SOHLH2: variants seen among roughly 807,000 people sequenced by gnomAD.
SOHLH2 encodes the protein spermatogenesis and oogenesis specific basic helix-loop-helix 2, also known as spermatogenesis- and oogenesis-specific basic helix-loop-helix-containing protein 2.
A neutral mutation model predicts 50.4 loss-of-function variants in SOHLH2; 22 were observed. That is an observed-to-expected ratio of 0.44 (90% confidence interval 0.31 to 0.62). The LOEUF (loss-of-function observed/expected upper bound fraction) is 0.62, where lower values mean the gene tolerates loss of function less well. Ranked by LOEUF, SOHLH2 falls within the 20% of genes least tolerant of loss-of-function variation. SOHLH2 has a pLI of 0.08. For missense variants in SOHLH2, 412 were observed against 504.4 expected, an observed-to-expected ratio of 0.82 and a Z score of 1.76; for synonymous variants, 185 against 187.3, an observed-to-expected ratio of 0.99 and a Z score of 0.10.
chr13:36,205,770 A>G (rs547864269), intron 1 of SOHLH2, among the ~76,000 whole-genome samples: 2 of 152,066 alleles, frequency 1.3e-5, no homozygotes, highest in Non-Finnish European at 2.9e-5. Context: ...AATAGTTTAT[A>G]AAACACAGAA....
chr13:36,176,903 T>C (rs1375055789), intron 6 of SOHLH2, among the ~76,000 whole-genome samples: 3 of 152,238 alleles, frequency 2.0e-5, no homozygotes, highest in Non-Finnish European at 2.9e-5. Context: ...TACTTTATTT[T>C]CAGGTAAACA....
intron 1 of SOHLH2, among the ~76,000 whole-genome samples, chr13:36,210,879 T>G (rs775592643): frequency 6.6e-6 from 1 of 152,226 alleles, no homozygotes. Context: ...CCTACTAGTG[T>G]GTTTCCTTTT....
chr13:36,214,456 C>T, intron 1 of SOHLH2, 23 bp downstream of exon 1: 4 of 1,611,040 alleles, frequency 2.5e-6, no homozygotes, highest in Non-Finnish European at 3.4e-6. Flanking sequence ...AACGCAGCTG[C>T]CTCCCCTTCC....
chr13:36,214,381 G>A (rs1869310442), intron 1 of SOHLH2, 98 bp downstream of exon 1: 3 of 1,414,378 alleles, frequency 2.1e-6, no homozygotes, highest in Non-Finnish European at 2.9e-6. Context: ...GACAATGAGA[G>A]CTCCCCAGGC....
At position 36,184,460 on chromosome 13, in the gene SOHLH2, C is replaced by CTTTTTT. The variant is rs1229884029; in HGVS notation, c.641+5480_641+5485dup. Reference sequence around the variant, plus strand: ...GATGGAAGTTTCTACCTACAAAGACCTTTTTTTTTTTTTTTTTTTGAGACG... The same window carrying CTTTTTT: ...GATGGAAGTTTCTACCTACAAAGACCTTTTTTTTTTTTTTTTTTTTTTTTTGAGACG... On this transcript the variant is annotated intron_variant, in intron 6 of 10. Transcript: ENST00000379881. Among the ~76,000 whole-genome samples, 159 of 121,122 alleles carry CTTTTTT rather than the reference C, an allele frequency of 1.3e-3. 10 individuals are homozygous for CTTTTTT. The highest frequency in any genetic ancestry group is 5.0e-3 in the Middle Eastern group (1 of 200). 79.5% of individuals were successfully genotyped at this position (121,122 alleles called of 152,430 possible).
Position 36,185,475 on chromosome 13 carries a change from C to A in SOHLH2, c.641+4471G>T, listed in dbSNP as rs1237286390. 2.0e-5 allele frequency among the ~76,000 whole-genome samples: 3 copies of A among 151,650 alleles called. No homozygotes were observed. The East Asian group carries it at 5.8e-4, about 29-fold the overall frequency. ...GAGCAAGACTCTGTCTCAAAACAAA[C>A]AAACACACAAACAAACAAAAAACCC... is the stretch of plus-strand genomic sequence containing the variant. On this transcript the variant is annotated intron_variant, in intron 6 of 10. Coordinates refer to ENST00000379881, the MANE Select transcript of SOHLH2 (RefSeq NM_017826.3).
chr13:36,197,947 T>C (rs1720964135), intron 2 of SOHLH2, among the ~76,000 whole-genome samples: 1 of 152,196 alleles, frequency 6.6e-6, no homozygotes, highest in Admixed American at 6.5e-5. Context: ...ACTGTGTTTA[T>C]TGTCGAATAT....
intron 9 of SOHLH2, among the ~76,000 whole-genome samples, chr13:36,173,298 C>T (rs992478890): frequency 6.9e-6 from 1 of 144,046 alleles, no homozygotes; most frequent in African/African-American, 2.5e-5. Context: ...GAGAAAGTGG[C>T]TGAGAAGATC....
At chr13:36,198,849 T>C (rs1887811674) in intron 2 of SOHLH2, among the ~76,000 whole-genome samples, 2 of 152,184 alleles carry the variant, frequency 1.3e-5, no homozygotes, top group African/African-American at 4.8e-5. Context: ...ACTGAACATA[T>C]ATATGGCCAC....
chr13:36,201,711 C>T (rs891704262), intron 2 of SOHLH2, among the ~76,000 whole-genome samples, 168 bp downstream of exon 2: 6 of 152,214 alleles, frequency 3.9e-5, no homozygotes, highest in Non-Finnish European at 8.8e-5. Flanking sequence ...TTAAAGCAAT[C>T]ATCCCACATC....
chr13:36,185,984 C>G (rs987403445), intron 6 of SOHLH2, among the ~76,000 whole-genome samples: 8 of 152,160 alleles, frequency 5.3e-5, no homozygotes, highest in African/African-American at 9.7e-5. Context: ...TTTTCCATTT[C>G]ATTTTATATG....
intron 1 of SOHLH2, among the ~76,000 whole-genome samples, chr13:36,208,723 G>T (rs1868929327): frequency 6.6e-6 from 1 of 151,922 alleles, no homozygotes; most frequent in Non-Finnish European, 1.5e-5. Context: ...TCATTTTACT[G>T]AATTGCCGTA....
chr13:36,208,687 A>G (rs913158242), intron 1 of SOHLH2, among the ~76,000 whole-genome samples: 1 of 152,148 alleles, frequency 6.6e-6, no homozygotes. Context: ...AGTTTCTTGT[A>G]TCTCATATTT....
chr13:36,190,440 C>T (rs1029155871), intron 5 of SOHLH2, among the ~76,000 whole-genome samples: 2 of 152,162 alleles, frequency 1.3e-5, no homozygotes, highest in Non-Finnish European at 2.9e-5. Context: ...GGACAAGATA[C>T]ACCCTAGGCC....
At chr13:36,201,382 C>A (rs1278168087) in intron 2 of SOHLH2, among the ~76,000 whole-genome samples, 1 of 152,036 alleles carries the variant, frequency 6.6e-6, no homozygotes, top group Admixed American at 6.6e-5. Context: ...TAATCCGTAC[C>A]TATTTTCAAG....
intron 2 of SOHLH2, among the ~76,000 whole-genome samples, chr13:36,200,451 T>A (rs1029343876): frequency 6.6e-6 from 1 of 152,166 alleles, no homozygotes; most frequent in African/African-American, 2.4e-5. Context: ...AATAAGTAAC[T>A]TGATGGCTTG....
At chr13:36,192,982 GA>G in intron 4 of SOHLH2, among the ~76,000 whole-genome samples, 1 of 152,196 alleles carries the variant, frequency 6.6e-6, no homozygotes, top group Non-Finnish European at 1.5e-5. Context: ...CCCAGGCCGA[GA>G]AAGACCAAAA....
intron 2 of SOHLH2, among the ~76,000 whole-genome samples, chr13:36,194,175 C>CAG (rs1392196558): frequency 6.6e-6 from 1 of 151,378 alleles, no homozygotes; most frequent in East Asian, 1.9e-4. Context: ...ATGAAACAAG[C>CAG]AGAATCTAGA....
intron 6 of SOHLH2, among the ~76,000 whole-genome samples, chr13:36,187,296 T>C (rs934515498): frequency 6.6e-6 from 1 of 151,858 alleles, no homozygotes; most frequent in Non-Finnish European, 1.5e-5. Context: ...TGAAAAATAA[T>C]GAAAAAACAA....
Sources: gnomAD v4.1 joint callset for allele counts (sites outside exome capture counted in the v4.1 genomes callset) on GRCh38, gnomAD v4.1.1 for gene constraint, MANE v1.5 for transcripts, NCBI Gene and HGNC (gene_info 2026-07-23, HGNC 2026-07-21) for gene names.